FAM89B: variants seen among roughly 807,000 people sequenced by gnomAD.
FAM89B encodes the protein leucine repeat adapter protein 25.
A neutral mutation model predicts 13.4 loss-of-function variants in FAM89B; 9 were observed. That is an observed-to-expected ratio of 0.67 (90% CI 0.40 to 1.17). The LOEUF is 1.17. FAM89B is among the 50% of genes most tolerant of loss of function. The pLI is 0.01. For synonymous variants in FAM89B, 138 were observed against 121.2 expected (o/e 1.14, Z -0.91); for missense variants, 256 against 256.1 (o/e 1.00, Z 0.00).
chr11:65,572,853 C>T lies in FAM89B; in HGVS notation c.184C>T (p.Pro62Ser). 1 of 1,195,116 alleles carries T rather than the reference C, an allele frequency of 8.4e-7. No homozygotes were observed. The highest frequency in any genetic ancestry group is 1.0e-6 in the Non-Finnish European group (1 of 965,992). The allele number at this position is 1,195,116 out of a possible 1,614,324, so 74.0% of individuals were successfully genotyped here. Residue 62 changes from proline to serine, a missense_variant, in exon 1 of 2, where the codon CCG becomes TCG. Transcript: ENST00000530349. The stretch of plus-strand genomic sequence containing the variant: ...CGAGCTGAGCCGCGCCGCCCGCGCC[C>T]CGGACGGGCCCCGCCACGCCGCCGG... ...HDELSRAARA[P>S]DGPRHAAGAA...
Position 65,572,813 on chromosome 11 carries a change from C to G in FAM89B, c.144C>G (p.Arg48=). 8.3e-7 allele frequency: 1 copy of G among 1,206,912 alleles called. No homozygotes were observed. Among genetic ancestry groups the G allele is most frequent in the Non-Finnish European group, 1.0e-6 (1 of 965,094 alleles). 74.8% of individuals were successfully genotyped at this position (1,206,912 alleles called of 1,614,324 possible). The change falls in exon 1 of 2, where the codon CGC becomes CGG. Residue 48 remains arginine, a synonymous_variant. Transcript: ENST00000530349. ...WRELERVYSQ[R]SRIHDELSRA... is the part of the protein sequence containing the mutation. ...AGCTGGAGCGCGTCTACAGCCAGCG[C>G]AGCCGCATCCACGACGAGCTGAGCC...
chr11:65,572,902 C>G lies in FAM89B; in HGVS notation c.233C>G (p.Ala78Gly). Residue 78 changes from alanine (A) to glycine (G), a missense_variant, in exon 1 of 2, where the codon GCC becomes GGC. By Grantham distance (60) the Ala-to-Gly change is moderately conservative (BLOSUM62 0). Transcript: ENST00000530349. ...GGCGCCGCCAACGCGGGACCCGCAGCCGGCCCGCGTCGTCCTGTCAACCTC... is the reference window on the plus strand; with the variant it reads ...GGCGCCGCCAACGCGGGACCCGCAGGCGGCCCGCGTCGTCCTGTCAACCTC... ...AAGAANAGPA[A>G]GPRRPVNLDS... The G allele has an allele frequency of 1.6e-6, 2 of 1,215,216 alleles. No individual in the cohort carries two copies. The highest frequency in any genetic ancestry group is 1.0e-6 in the Non-Finnish European group (1 of 980,138). The allele number at this position is 1,215,216 out of a possible 1,614,324, so 75.3% of individuals were successfully genotyped here.
chr11:65,573,519 C>G lies in FAM89B; in HGVS notation c.448C>G (p.Leu150Val). The change falls in exon 2 of 2, where the codon CTG (leucine) becomes GTG (valine). Residue 150 changes from leucine to valine, a missense_variant. Coordinates refer to ENST00000530349, the MANE Select transcript of FAM89B (RefSeq NM_001098785.2). Reference sequence around the variant, plus strand: ...CAGCTCCTACCCACCGGATGCGGGCCTGTCTGACGACGAGGAGCCTCCCGA... The same window carrying G: ...CAGCTCCTACCCACCGGATGCGGGCGTGTCTGACGACGAGGAGCCTCCCGA... ...SDSSYPPDAG[L>V]SDDEEPPDAS... 1 of 1,614,152 alleles carries G rather than the reference C, an allele frequency of 6.2e-7. No individual in the cohort carries two copies. The highest frequency in any genetic ancestry group is 8.5e-7 in the Non-Finnish European group (1 of 1,180,028).
rs111925308 is a variant in FAM89B at position 65,573,727 on chromosome 11, C to A, written c.*86C>A. 1 of 1,454,412 alleles carries A rather than the reference C, an allele frequency of 6.9e-7. No individual in the cohort carries two copies. Among genetic ancestry groups the A allele is most frequent in the Non-Finnish European group, 9.2e-7 (1 of 1,087,308 alleles). The allele number at this position is 1,454,412 out of a possible 1,614,324, so 90.1% of individuals were successfully genotyped here. A position where few individuals can be genotyped will look rare whatever the true frequency, so the allele number is the denominator to read the frequency against. On this transcript the variant is annotated 3_prime_UTR_variant, in exon 2 of 2. Coordinates refer to ENST00000530349, the MANE Select transcript of FAM89B (RefSeq NM_001098785.2). The stretch of plus-strand genomic sequence containing the variant: ...AGCCCTCAGACTTCGGAGCCTGCGC[C>A]TTCCCCCCTACCGCCTCACCTCACA...
chr11:65,572,881 C>A lies in FAM89B; in HGVS notation c.212C>A (p.Ala71Asp). 1 of 1,205,622 alleles carries A rather than the reference C, an allele frequency of 8.3e-7. No homozygotes were observed. The highest frequency in any genetic ancestry group is 1.0e-6 in the Non-Finnish European group (1 of 974,662). 74.7% of individuals were successfully genotyped at this position (1,205,622 alleles called of 1,614,324 possible). ...APDGPRHAAG[A>D]ANAGPAAGPR... The stretch of plus-strand genomic sequence containing the variant: ...GACGGGCCCCGCCACGCCGCCGGCG[C>A]CGCCAACGCGGGACCCGCAGCCGGC... The change falls in exon 1 of 2, where the codon GCC (alanine) becomes GAC (aspartate). Residue 71 changes from alanine to aspartate, a missense_variant. Physicochemically the swap from Ala to Asp is moderately radical, Grantham distance 126. Coordinates refer to ENST00000530349, the MANE Select transcript of FAM89B (RefSeq NM_001098785.2).
At position 65,572,852 on chromosome 11, in the gene FAM89B, C is replaced by T. The variant is rs1213269969; in HGVS notation, c.183C>T (p.Ala61=). 1.7e-6 allele frequency: 2 copies of T among 1,194,274 alleles called. No individual in the cohort carries two copies. The highest frequency in any genetic ancestry group is 3.3e-4 in the Middle Eastern group (1 of 3,042). The allele number at this position is 1,194,274 out of a possible 1,614,324, so 74.0% of individuals were successfully genotyped here. The change falls in exon 1 of 2, where the codon GCC becomes GCT. Residue 61 remains alanine, a synonymous_variant. Coordinates refer to ENST00000530349, the MANE Select transcript of FAM89B (RefSeq NM_001098785.2). The stretch of plus-strand genomic sequence containing the variant: ...ACGAGCTGAGCCGCGCCGCCCGCGC[C>T]CCGGACGGGCCCCGCCACGCCGCCG... ...IHDELSRAAR[A]PDGPRHAAGA... is the part of the protein sequence containing the mutation.
At chr11:65,572,996 G>A (rs1260387099) in intron 1 of FAM89B, 36 bp downstream of exon 1, 2 of 1,225,724 alleles carry the variant, frequency 1.6e-6, no homozygotes, top group East Asian at 3.2e-5. Context: ...TGGGCGGGGG[G>A]CTGACGCGGA....
chr11:65,573,096 T>A (rs564660830), intron 1 of FAM89B, 136 bp downstream of exon 1: 15 of 869,536 alleles, frequency 1.7e-5, no homozygotes, highest in Admixed American at 4.0e-5. Context: ...CAATAATTAG[T>A]GATAGTTACC....
intron 1 of FAM89B, 150 bp downstream of exon 1, chr11:65,573,110 T>G: frequency 1.2e-6 from 1 of 821,534 alleles, no homozygotes. Flanking sequence ...AGTTACCAAT[T>G]ATGGCAGTAG....
intron 1 of FAM89B, among the ~76,000 whole-genome samples, 196 bp from the exon 2 acceptor site, chr11:65,573,167 C>A (rs867231477): frequency 6.6e-6 from 1 of 152,226 alleles, no homozygotes; most frequent in Non-Finnish European, 1.5e-5. Context: ...TCATTTCATC[C>A]GGCTAAATGG....
rs767954940 is a variant in FAM89B at position 65,573,674 on chromosome 11, A to C, written c.*33A>C. 1.3e-6 allele frequency: 2 copies of C among 1,555,786 alleles called. No individual in the cohort carries two copies. Among genetic ancestry groups the C allele is most frequent in the Non-Finnish European group, 1.7e-6 (2 of 1,154,402 alleles). On this transcript the variant is annotated 3_prime_UTR_variant, in exon 2 of 2. Transcript: ENST00000530349. The stretch of plus-strand genomic sequence containing the variant: ...GGGGGCAGGGGGCATGCACCCATGC[A>C]AAAGGCTCAGAAACTCCCCCTCCGG...
Position 65,573,355 on chromosome 11 carries a change from G to C in FAM89B, c.292-8G>C, listed in dbSNP as rs756084498. The C allele has an allele frequency of 3.9e-6, 6 of 1,542,762 alleles. No individual in the cohort carries two copies. The South Asian group carries it at 6.2e-5, about 16-fold the overall frequency. Reference sequence around the variant, plus strand: ...CCCCAACTCCAGCCCACCCTCAGTTGTCTGCAGGTGGGGCTGCGGCAGTTG... The same window carrying C: ...CCCCAACTCCAGCCCACCCTCAGTTCTCTGCAGGTGGGGCTGCGGCAGTTG... On this transcript the variant is annotated splice_region_variant and splice_polypyrimidine_tract_variant and intron_variant, in intron 1 of 1. Coordinates refer to ENST00000530349, the MANE Select transcript of FAM89B (RefSeq NM_001098785.2).
Position 65,572,731 on chromosome 11 carries a change from C to T in FAM89B, c.62C>T (p.Pro21Leu). Residue 21 changes from proline (P) to leucine (L), a missense_variant, in exon 1 of 2, where the codon CCA (proline) becomes CTA (leucine). By Grantham distance (98) the Pro-to-Leu change is moderately conservative. Coordinates refer to ENST00000530349, the MANE Select transcript of FAM89B (RefSeq NM_001098785.2). ...GCGGGCTGCGCTTTGGCCGGGCTCC[C>T]ACCGCTGCCGCGCGGCCTCAGCGGC... ...GGAGCALAGL[P>L]PLPRGLSGLL... The T allele has an allele frequency of 2.6e-6, 3 of 1,166,984 alleles. No individual in the cohort carries two copies. The highest frequency in any genetic ancestry group is 3.2e-6 in the Non-Finnish European group (3 of 945,592). The allele number at this position is 1,166,984 out of a possible 1,614,324, so 72.3% of individuals were successfully genotyped here.
chr11:65,572,625 G>T lies in FAM89B; in HGVS notation c.-45G>T, dbSNP rs1309356087. 118 of 1,199,096 alleles carry T rather than the reference G, an allele frequency of 9.8e-5. No homozygotes were observed. Among genetic ancestry groups the T allele is most frequent in the Non-Finnish European group, 1.1e-4 (108 of 971,262 alleles). The allele number at this position is 1,199,096 out of a possible 1,614,324, so 74.3% of individuals were successfully genotyped here. On this transcript the variant is annotated 5_prime_UTR_variant, in exon 1 of 2. Transcript: ENST00000530349. ...CTGCGGGCGGCGGCCCGGGCGGAGC[G>T]TTGGAGGGAAGGAGGTGGCATCGCC...
chr11:65,573,629 C>T lies in FAM89B; in HGVS notation c.558C>T (p.His186=), dbSNP rs752972821. The T allele has an allele frequency of 8.1e-6, 13 of 1,606,510 alleles. No individual in the cohort carries two copies. Among genetic ancestry groups the T allele is most frequent in the South Asian group, 7.7e-5 (7 of 90,956 alleles). The part of the protein sequence containing the change: ...ARDQWLQDAF[H]ISL The stretch of plus-strand genomic sequence containing the variant: ...ACCAGTGGCTGCAGGATGCCTTCCA[C>T]ATCAGCCTCTGAAGGGCTGGGGGGC... The change falls in exon 2 of 2, where the codon CAC becomes CAT. Residue 186 remains histidine (H), a synonymous_variant. Coordinates refer to ENST00000530349, the MANE Select transcript of FAM89B (RefSeq NM_001098785.2).
chr11:65,572,541 G>C lies in FAM89B; in HGVS notation c.-129G>C, dbSNP rs1238576536. 13 of 1,508,986 alleles carry C rather than the reference G, an allele frequency of 8.6e-6. No individual in the cohort carries two copies. The highest frequency in any genetic ancestry group is 1.4e-5 in the African/African-American group (1 of 71,914). The allele number at this position is 1,508,986 out of a possible 1,614,324, so 93.5% of individuals were successfully genotyped here. A position where few individuals can be genotyped will look rare whatever the true frequency, so the allele number is the denominator to read the frequency against. On this transcript the variant is annotated 5_prime_UTR_variant, in exon 1 of 2. Transcript: ENST00000530349. ...GGCGGAGTCTGAGGAGCTGGGGAAG[G>C]AACAAAGCGAGGCCTGCGGGCGGCG...
In FAM89B at chr11:65,572,580, G is replaced by T. The variant is rs1857150080; in HGVS notation, c.-90G>T. The T allele has an allele frequency of 1.5e-6, 2 of 1,374,922 alleles. No homozygotes were observed. Among genetic ancestry groups the T allele is most frequent in the Non-Finnish European group, 9.5e-7 (1 of 1,057,452 alleles). 85.2% of individuals were successfully genotyped at this position (1,374,922 alleles called of 1,614,324 possible). A position where few individuals can be genotyped will look rare whatever the true frequency, so the allele number is the denominator to read the frequency against. On this transcript the variant is annotated 5_prime_UTR_variant, in exon 1 of 2. Coordinates refer to ENST00000530349, the MANE Select transcript of FAM89B (RefSeq NM_001098785.2). ...CTGCGGGCGGCGGCTGGGCTCCGGC[G>T]GGGCCGCGGGGTGCGGGGCCTGCGG...
Position 65,573,723 on chromosome 11 carries a change from G to A in FAM89B, c.*82G>A. On this transcript the variant is annotated 3_prime_UTR_variant, in exon 2 of 2. Transcript: ENST00000530349. ...GGCAAGCCCTCAGACTTCGGAGCCT[G>A]CGCCTTCCCCCCTACCGCCTCACCT... is the stretch of plus-strand genomic sequence containing the variant. The A allele has an allele frequency of 6.8e-7, 1 of 1,474,248 alleles. No individual in the cohort carries two copies. The highest frequency in any genetic ancestry group is 9.1e-7 in the Non-Finnish European group (1 of 1,102,968). The allele number at this position is 1,474,248 out of a possible 1,614,324, so 91.3% of individuals were successfully genotyped here. A position where few individuals can be genotyped will look rare whatever the true frequency, so the allele number is the denominator to read the frequency against.
chr11:65,572,577 G>GGCGGGGCC lies in FAM89B; in HGVS notation c.-86_-79dup, dbSNP rs1857149923. ...GGCCTGCGGGCGGCGGCTGGGCTCC[G>GGCGGGGCC]GCGGGGCCGCGGGGTGCGGGGCCTG... On this transcript the variant is annotated 5_prime_UTR_variant, in exon 1 of 2. Transcript: ENST00000530349. 1 of 1,399,260 alleles carries GGCGGGGCC rather than the reference G, an allele frequency of 7.1e-7. No homozygotes were observed. Among genetic ancestry groups the GGCGGGGCC allele is most frequent in the South Asian group, 1.5e-5 (1 of 67,114 alleles). The allele number at this position is 1,399,260 out of a possible 1,614,324, so 86.7% of individuals were successfully genotyped here. A position where few individuals can be genotyped will look rare whatever the true frequency, so the allele number is the denominator to read the frequency against.
Sources: gnomAD v4.1 joint callset for allele counts (sites outside exome capture counted in the v4.1 genomes callset) on GRCh38, gnomAD v4.1.1 for gene constraint, MANE v1.5 for transcripts, NCBI Gene and HGNC (gene_info 2026-07-23, HGNC 2026-07-21) for gene names.